The following NFATC1 variants were observed in gnomAD, a reference collection of about 807,000 sequenced individuals.
NFATC1 encodes the protein nuclear factor of activated T-cells, cytoplasmic 1.
NFATC1 carries 22 observed loss-of-function variants against 76.0 expected under a neutral mutation model. The observed-to-expected ratio is 0.29, with a 90% CI of 0.21 to 0.41. The LOEUF is 0.41. Ranked by LOEUF, NFATC1 falls within the 10% of genes least tolerant of loss-of-function variation. The pLI is 1.00. For missense variants in NFATC1, 1,357 were observed against 1,337.7 expected, an observed-to-expected ratio of 1.01 and a Z score of -0.23; for synonymous variants, 704 against 613.1, an observed-to-expected ratio of 1.15 and a Z score of -2.19.
chr18:79,488,511 C>T (rs1447101974), intron 9 of NFATC1, among the ~76,000 whole-genome samples: 5 of 152,124 alleles, frequency 3.3e-5, no homozygotes, highest in Non-Finnish European at 5.9e-5. Context: ...GACTGTGGGG[C>T]GGGGCCAGGA....
At position 79,467,399 on chromosome 18, in the gene NFATC1, C is replaced by T. The variant is rs1325285416; in HGVS notation, c.1960-51C>T. The T allele has an allele frequency of 5.5e-6, 8 of 1,466,426 alleles. No individual in the cohort carries two copies. In the Admixed American group the frequency reaches 1.4e-4, roughly 26 times the overall value. The allele number at this position is 1,466,426 out of a possible 1,614,324, so 90.8% of individuals were successfully genotyped here. A position where few individuals can be genotyped will look rare whatever the true frequency, so the allele number is the denominator to read the frequency against. ...CCGTGTGGCCGCCGTGGCGCGGCAG[C>T]CATCGCCTGCCCGGTGCTGATTGTG... On this transcript the variant is annotated intron_variant, in intron 7 of 9. Coordinates refer to ENST00000427363, the MANE Select transcript of NFATC1 (RefSeq NM_001278669.2).
At chr18:79,484,527 C>T (rs926055816) in intron 8 of NFATC1, among the ~76,000 whole-genome samples, 17 of 152,182 alleles carry the variant, frequency 1.1e-4, no homozygotes, top group African/African-American at 4.1e-4. Flanking sequence ...CTTTAAACCT[C>T]GATCTCCCCA....
Position 79,485,265 on chromosome 18 carries a change from G to A in NFATC1, c.2093-983G>A, listed in dbSNP as rs527778190. Among the ~76,000 whole-genome samples, 4 of 152,356 alleles carry A rather than the reference G, an allele frequency of 2.6e-5. No homozygotes were observed. The South Asian group carries it at 6.2e-4, about 24-fold the overall frequency. ...GACTCACTCACAGCTTGCTGTCTGC[G>A]TAGCATTCGCTCAGAGTGGCACCAC... On this transcript the variant is annotated intron_variant, in intron 8 of 9. Coordinates refer to ENST00000427363, the MANE Select transcript of NFATC1 (RefSeq NM_001278669.2).
chr18:79,443,508 T>G (rs113386573), intron 3 of NFATC1, among the ~76,000 whole-genome samples: 3,929 of 152,232 alleles, frequency 0.026, 155 homozygotes, highest in African/African-American at 0.088. Context: ...GAGCCGTCCC[T>G]CGGGGGGTGG....
rs147319575 is a variant in NFATC1 at position 79,418,517 on chromosome 18, G to A, written c.1226+7016G>A. Among the ~76,000 whole-genome samples, 47 of 152,300 alleles carry A rather than the reference G, an allele frequency of 3.1e-4. No homozygotes were observed. In the East Asian group the frequency reaches 8.5e-3, roughly 28 times the overall value. On this transcript the variant is annotated intron_variant, in intron 2 of 9. Coordinates refer to ENST00000427363, the MANE Select transcript of NFATC1 (RefSeq NM_001278669.2). ...CGGCCCAGACTGGCCTTCTGCTCTCGTCACCAAGATGTGGAGCCTTCTGGG... is the reference window on the plus strand; with the variant it reads ...CGGCCCAGACTGGCCTTCTGCTCTCATCACCAAGATGTGGAGCCTTCTGGG...
At chr18:79,399,248 G>GCTTAT (rs1401448569) in intron 1 of NFATC1, among the ~76,000 whole-genome samples, 1 of 152,262 alleles carries the variant, frequency 6.6e-6, no homozygotes, top group Non-Finnish European at 1.5e-5. Context: ...CGGAACGATG[G>GCTTAT]CTTATCACTG....
Position 79,527,567 on chromosome 18 carries a change from C to A in NFATC1, c.2822C>A (p.Thr941Asn). 1 of 1,614,024 alleles carries A rather than the reference C, an allele frequency of 6.2e-7. No homozygotes were observed. The highest frequency in any genetic ancestry group is 1.6e-4 in the Middle Eastern group (1 of 6,062). ...IIRNDLSSTSTHS is the reference protein window; with the variant it reads ...IIRNDLSSTSNHS ...CGAAATGACCTCTCCAGCACGAGCA[C>A]CCACTCCTAGTTGCCACATTGGAGC... is the stretch of plus-strand genomic sequence containing the variant. The change falls in exon 10 of 10, where the codon ACC becomes AAC. Residue 941 changes from threonine to asparagine, a missense_variant. By Grantham distance (65) the Thr-to-Asn change is moderately conservative. Coordinates refer to ENST00000427363, the MANE Select transcript of NFATC1 (RefSeq NM_001278669.2).
At chr18:79,518,426 C>T (rs1378856360) in intron 9 of NFATC1, among the ~76,000 whole-genome samples, 5 of 152,294 alleles carry the variant, frequency 3.3e-5, no homozygotes, top group African/African-American at 1.2e-4. Context: ...CCCCCGGGCC[C>T]AGCATGTTTC....
intron 1 of NFATC1, among the ~76,000 whole-genome samples, chr18:79,399,075 A>G (rs1438449991): frequency 6.6e-6 from 1 of 152,286 alleles, no homozygotes; most frequent in African/African-American, 2.4e-5. Flanking sequence ...TCAAACAAAC[A>G]AAAACCTGTA....
At chr18:79,402,957 C>T (rs1379778963) in intron 1 of NFATC1, among the ~76,000 whole-genome samples, 2 of 152,250 alleles carry the variant, frequency 1.3e-5, no homozygotes, top group East Asian at 1.9e-4. Flanking sequence ...CAAAGCAAGG[C>T]AAACTGGGTT....
chr18:79,449,012 GGCAGGGGGCGGTA>G, intron 4 of NFATC1, 28 bp downstream of exon 4: 1 of 1,607,528 alleles, frequency 6.2e-7, no homozygotes, highest in Non-Finnish European at 8.5e-7. Flanking sequence ...TCCGGCCTCT[GGCAGGGGGCGGTA>G]GGAGGGGGCG....
At chr18:79,400,281 G>C (rs1755198545) in intron 1 of NFATC1, 6 of 1,211,968 alleles carry the variant, frequency 5.0e-6, no homozygotes, top group Non-Finnish European at 6.2e-6. Context: ...GGCGGGGACG[G>C]GGGGAGGGGC....
At chr18:79,433,884 CCT>C in intron 3 of NFATC1, 146 bp downstream of exon 3, 1 of 912,844 alleles carries the variant, frequency 1.1e-6, no homozygotes, top group Non-Finnish European at 1.6e-6. Flanking sequence ...CTGCTCACCG[CCT>C]CTGAGCTGGA....
chr18:79,401,194 GGTCACCCCAGGCT>G (rs1397770891), intron 1 of NFATC1, among the ~76,000 whole-genome samples: 4 of 151,528 alleles, frequency 2.6e-5, no homozygotes, highest in African/African-American at 9.7e-5. Flanking sequence ...CTTCTGTCCA[GGTCACCCCAGGCT>G]GGTCACCGTC....
intron 2 of NFATC1, among the ~76,000 whole-genome samples, chr18:79,424,772 T>C (rs975723888): frequency 2.1e-4 from 31 of 150,162 alleles, no homozygotes; most frequent in Admixed American, 8.6e-4. Flanking sequence ...TCTCTGTCTC[T>C]CTCTGTCTCT....
intron 9 of NFATC1, among the ~76,000 whole-genome samples, chr18:79,504,676 T>A (rs2090085644): frequency 6.6e-6 from 1 of 152,256 alleles, no homozygotes; most frequent in South Asian, 2.1e-4. Context: ...GCCAAAGACC[T>A]CCCCTTTGTG....
intron 6 of NFATC1, among the ~76,000 whole-genome samples, chr18:79,459,133 C>T (rs986324344): frequency 6.6e-6 from 1 of 152,344 alleles, no homozygotes; most frequent in Admixed American, 6.5e-5. Flanking sequence ...TAGGGGAAGT[C>T]TAAGCGTATC....
At chr18:79,481,344 CCCCA>C (rs2089264468) in intron 8 of NFATC1, among the ~76,000 whole-genome samples, 1 of 152,230 alleles carries the variant, frequency 6.6e-6, no homozygotes, top group South Asian at 2.1e-4. Flanking sequence ...GCGGTTAGAG[CCCCA>C]CCCTCCACGG....
chr18:79,461,278 G>A (rs56112793), intron 6 of NFATC1, 33 bp from the exon 7 acceptor site: 284,951 of 1,612,862 alleles, frequency 0.18, 29,567 homozygotes, highest in African/African-American at 0.43. Flanking sequence ...CCACCACACA[G>A]AGTCACAGAC....
Sources: gnomAD v4.1 joint callset for allele counts (sites outside exome capture counted in the v4.1 genomes callset) on GRCh38, gnomAD v4.1.1 for gene constraint, MANE v1.5 for transcripts, NCBI Gene and HGNC (gene_info 2026-07-23, HGNC 2026-07-21) for gene names.